NYAP2: variants seen among roughly 807,000 people sequenced by gnomAD.
NYAP2 encodes the protein neuronal tyrosine-phosphorylated phosphoinositide-3-kinase adapter 2.
A neutral mutation model predicts 50.4 loss-of-function variants in NYAP2; 23 were observed. The ratio of observed to expected loss-of-function variants is 0.46; its 90% CI spans 0.33 to 0.65. The LOEUF (loss-of-function observed/expected upper bound fraction) is 0.65. Ranked by LOEUF, NYAP2 falls within the 30% of genes least tolerant of loss-of-function variation. The pLI is 0.02. For synonymous variants in NYAP2, 394 were observed against 365.2 expected (o/e 1.08, Z -0.90); for missense variants, 885 against 861.0 (o/e 1.03, Z -0.35).
intron 4 of NYAP2, among the ~76,000 whole-genome samples, chr2:225,515,578 T>A (rs1344828246): frequency 1.3e-5 from 2 of 152,150 alleles, no homozygotes; most frequent in African/African-American, 4.8e-5. Flanking sequence ...GTCCTTCAAC[T>A]TATAACACAT....
At chr2:225,589,238 T>G (rs1692446231) in intron 5 of NYAP2, among the ~76,000 whole-genome samples, 1 of 152,052 alleles carries the variant, frequency 6.6e-6, no homozygotes, top group Non-Finnish European at 1.5e-5. Flanking sequence ...AACTAGGTCT[T>G]GCCTAGAGTT....
chr2:225,676,307 A>G, the NYAP2 span, among the ~76,000 whole-genome samples: 1 of 151,994 alleles, frequency 6.6e-6, no homozygotes, highest in African/African-American at 2.4e-5. Flanking sequence ...TCTTTAATTC[A>G]TCTTTAATTA....
intron 6 of NYAP2, among the ~76,000 whole-genome samples, chr2:225,634,581 C>T (rs1270934169): frequency 6.6e-6 from 1 of 152,176 alleles, no homozygotes; most frequent in African/African-American, 2.4e-5. Flanking sequence ...CCATTTCTTA[C>T]ACACTGTGCT....
At chr2:225,610,592 A>T (rs1417740258) in intron 5 of NYAP2, among the ~76,000 whole-genome samples, 1 of 152,194 alleles carries the variant, frequency 6.6e-6, no homozygotes, top group East Asian at 1.9e-4. Context: ...AATTTCTGTT[A>T]TACACCAGGG....
intron 3 of NYAP2, among the ~76,000 whole-genome samples, chr2:225,484,087 C>A (rs1285756210): frequency 6.6e-6 from 1 of 152,214 alleles, no homozygotes; most frequent in African/African-American, 2.4e-5. Flanking sequence ...TGAACACTAA[C>A]TGTTTAGAGA....
intron 3 of NYAP2, among the ~76,000 whole-genome samples, chr2:225,435,406 G>A (rs977796257): frequency 1.3e-5 from 2 of 152,156 alleles, no homozygotes; most frequent in Non-Finnish European, 2.9e-5. Context: ...GGAAACTCTT[G>A]AGAGTCAAAT....
intron 6 of NYAP2, among the ~76,000 whole-genome samples, chr2:225,643,747 T>C (rs1225955446): frequency 1.3e-5 from 2 of 151,986 alleles, no homozygotes; most frequent in African/African-American, 2.4e-5. Flanking sequence ...TCCACTTTCA[T>C]CCATGTCCCT....
At chr2:225,423,304 A>T (rs1396609498) in intron 3 of NYAP2, among the ~76,000 whole-genome samples, 1 of 152,218 alleles carries the variant, frequency 6.6e-6, no homozygotes, top group East Asian at 1.9e-4. Flanking sequence ...TTCTATTTCA[A>T]TGTGACTTAG....
chr2:225,521,706 G>A (rs1269797933), intron 4 of NYAP2, among the ~76,000 whole-genome samples: 3 of 151,868 alleles, frequency 2.0e-5, no homozygotes, highest in Non-Finnish European at 4.4e-5. Flanking sequence ...TTGCATCAAT[G>A]TTCATCAAGG....
intron 3 of NYAP2, among the ~76,000 whole-genome samples, chr2:225,497,959 C>A (rs941239910): frequency 6.6e-6 from 1 of 152,076 alleles, no homozygotes; most frequent in Non-Finnish European, 1.5e-5. Flanking sequence ...TCTCTTTACT[C>A]CTATTCAAGC....
chr2:225,425,278 A>G (rs1199132232), intron 3 of NYAP2, among the ~76,000 whole-genome samples: 1 of 152,156 alleles, frequency 6.6e-6, no homozygotes, highest in Non-Finnish European at 1.5e-5. Context: ...AGCTTGGCAT[A>G]TCAGCATTTA....
chr2:225,675,659 C>A, the NYAP2 span, among the ~76,000 whole-genome samples: 1 of 152,112 alleles, frequency 6.6e-6, no homozygotes, highest in Admixed American at 6.6e-5. Context: ...GGTATACACC[C>A]AGTAGTGGGA....
At chr2:225,693,648 C>T in the NYAP2 span, among the ~76,000 whole-genome samples, 1 of 152,038 alleles carries the variant, frequency 6.6e-6, no homozygotes, top group Non-Finnish European at 1.5e-5. Flanking sequence ...TGACTACTTG[C>T]TGTATCGGCA....
At chr2:225,589,777 T>G (rs1692463198) in intron 5 of NYAP2, among the ~76,000 whole-genome samples, 1 of 152,090 alleles carries the variant, frequency 6.6e-6, no homozygotes, top group Non-Finnish European at 1.5e-5. Flanking sequence ...TCCCTCTGTT[T>G]AAGCAGGTGC....
chr2:225,697,892 A>G, the NYAP2 span, among the ~76,000 whole-genome samples: 1 of 151,686 alleles, frequency 6.6e-6, no homozygotes, highest in African/African-American at 2.4e-5. Flanking sequence ...GAGTTTTTGG[A>G]CTGGGCATAG....
chr2:225,500,014 T>A (rs1407326524), intron 3 of NYAP2, among the ~76,000 whole-genome samples: 1 of 152,118 alleles, frequency 6.6e-6, no homozygotes, highest in Non-Finnish European at 1.5e-5. Flanking sequence ...CCATGGAGAA[T>A]AAAGTGGAAG....
Position 225,428,247 on chromosome 2 carries a change from A to G in NYAP2, c.221+19146A>G, listed in dbSNP as rs1053495297. Among the ~76,000 whole-genome samples, 12 of 152,254 alleles carry G rather than the reference A, an allele frequency of 7.9e-5. No individual in the cohort carries two copies. The East Asian group carries it at 1.2e-3, about 15-fold the overall frequency. Reference sequence around the variant, plus strand: ...ATTTTTGTCCCAGTCATAGTTGATTATTGCCCTTTCTTCCCTGCTGGCCTT... The same window carrying G: ...ATTTTTGTCCCAGTCATAGTTGATTGTTGCCCTTTCTTCCCTGCTGGCCTT... On this transcript the variant is annotated intron_variant, in intron 3 of 6. Coordinates refer to ENST00000636099, the Ensembl canonical transcript of NYAP2.
At chr2:225,592,226 G>T (rs1030901439) in intron 5 of NYAP2, among the ~76,000 whole-genome samples, 1 of 152,126 alleles carries the variant, frequency 6.6e-6, no homozygotes, top group Non-Finnish European at 1.5e-5. Flanking sequence ...CTACCATCCT[G>T]GGATACAGGG....
chr2:225,614,966 G>A (rs1488451238), intron 5 of NYAP2, among the ~76,000 whole-genome samples: 1 of 152,136 alleles, frequency 6.6e-6, no homozygotes, highest in Non-Finnish European at 1.5e-5. Context: ...TACTCTTCCA[G>A]GTTATCGGGA....
Sources: gnomAD v4.1 joint callset for allele counts (sites outside exome capture counted in the v4.1 genomes callset) on GRCh38, gnomAD v4.1.1 for gene constraint, MANE v1.5 for transcripts, NCBI Gene and HGNC (gene_info 2026-07-23, HGNC 2026-07-21) for gene names.